The following RAPGEF5 variants were observed in gnomAD, a reference collection of about 807,000 sequenced individuals.
The protein encoded by RAPGEF5 is M-Ras-regulated GEF.
A neutral mutation model predicts 125.2 loss-of-function variants in RAPGEF5; 65 were observed. The ratio of observed to expected loss-of-function variants is 0.52; its 90% CI spans 0.43 to 0.64. The LOEUF is 0.64. Ranked by LOEUF, RAPGEF5 falls within the 30% of genes least tolerant of loss-of-function variation. The pLI, the probability that RAPGEF5 is intolerant of heterozygous loss-of-function variation, is 0.00. For synonymous variants in RAPGEF5, 391 were observed against 385.9 expected, an observed-to-expected ratio of 1.01 and a Z score of -0.16; for missense variants, 958 against 1,048.1, an observed-to-expected ratio of 0.91 and a Z score of 1.19.
At chr7:22,298,142 T>C (rs1204360274) in intron 5 of RAPGEF5, among the ~76,000 whole-genome samples, 1 of 151,862 alleles carries the variant, frequency 6.6e-6, no homozygotes, top group Non-Finnish European at 1.5e-5. Flanking sequence ...GTGAGGAAGA[T>C]TGTGTCTATG....
chr7:22,285,020 C>T (rs1397531447), intron 6 of RAPGEF5, among the ~76,000 whole-genome samples: 3 of 152,078 alleles, frequency 2.0e-5, no homozygotes, highest in Non-Finnish European at 4.4e-5. Flanking sequence ...CTTAGTTTAG[C>T]CTAGCCTGCC....
Position 22,266,918 on chromosome 7 carries a change from C to G in RAPGEF5, c.796+46G>C, listed in dbSNP as rs1226295228. ...ACTACCAGATGATATGTGAAATACCCCCAAAGAATTAGAATCTTCCTCCAG... is the reference window on the plus strand; with the variant it reads ...ACTACCAGATGATATGTGAAATACCGCCAAAGAATTAGAATCTTCCTCCAG... On this transcript the variant is annotated intron_variant, in intron 7 of 25. Transcript: ENST00000665637. The G allele has an allele frequency of 2.6e-6, 4 of 1,549,876 alleles. No homozygotes were observed. The African/African-American group carries it at 5.5e-5, about 21-fold the overall frequency.
intron 11 of RAPGEF5, among the ~76,000 whole-genome samples, chr7:22,183,268 C>CAAAAAAAA (rs757079018): frequency 9.7e-5 from 3 of 30,972 alleles, no homozygotes; most frequent in Admixed American, 4.7e-4. Flanking sequence ...GACTCCATCA[C>CAAAAAAAA]AAAAAAAAAA....
At chr7:22,147,078 G>T in intron 18 of RAPGEF5, 59 bp from the exon 19 acceptor site, 1 of 1,575,586 alleles carries the variant, frequency 6.3e-7, no homozygotes, top group Non-Finnish European at 8.6e-7. Context: ...CACTGCATTG[G>T]CTGGCTGTAG....
chr7:22,345,880 C>G (rs1583594812), intron 1 of RAPGEF5, among the ~76,000 whole-genome samples: 3 of 152,070 alleles, frequency 2.0e-5, no homozygotes, highest in African/African-American at 7.2e-5. Flanking sequence ...CCAAACAAAC[C>G]ATTTAATCTT....
intron 9 of RAPGEF5, among the ~76,000 whole-genome samples, chr7:22,197,831 C>G (rs1371235943): frequency 6.7e-6 from 1 of 148,878 alleles, no homozygotes; most frequent in Non-Finnish European, 1.5e-5. Context: ...TGAATGAATG[C>G]ATTTGCATTT....
intron 7 of RAPGEF5, among the ~76,000 whole-genome samples, chr7:22,264,897 C>T (rs183643102): frequency 3.0e-4 from 45 of 152,310 alleles, no homozygotes; most frequent in Admixed American, 1.6e-3. Context: ...ACGGACTGTA[C>T]ATTTGTCTCT....
chr7:22,330,962 T>C (rs1381325679), intron 1 of RAPGEF5, among the ~76,000 whole-genome samples: 1 of 152,146 alleles, frequency 6.6e-6, no homozygotes, highest in Admixed American at 6.5e-5. Flanking sequence ...TCCTCACATA[T>C]AGGACGCTAG....
chr7:22,262,977 C>A (rs533457097), intron 7 of RAPGEF5, among the ~76,000 whole-genome samples: 1 of 152,106 alleles, frequency 6.6e-6, no homozygotes, highest in East Asian at 1.9e-4. Context: ...AACAAACAAA[C>A]AAACAAAAAC....
chr7:22,310,120 G>T, intron 3 of RAPGEF5, 30 bp from the exon 4 acceptor site: 1 of 1,483,632 alleles, frequency 6.7e-7, no homozygotes. Context: ...TTCACAGTAA[G>T]ATATTGCTGA....
chr7:22,196,575 T>A (rs1301347864), intron 9 of RAPGEF5, among the ~76,000 whole-genome samples: 3 of 152,168 alleles, frequency 2.0e-5, no homozygotes, highest in Non-Finnish European at 4.4e-5. Context: ...GACAAGTTAA[T>A]AGGCTCCATG....
At chr7:22,354,694 T>C (rs1156977981) in intron 1 of RAPGEF5, among the ~76,000 whole-genome samples, 1 of 152,104 alleles carries the variant, frequency 6.6e-6, no homozygotes, top group East Asian at 1.9e-4. Flanking sequence ...AGTGGCCTTA[T>C]GAGAAGAGGG....
chr7:22,289,816 TA>T (rs1441350631), intron 6 of RAPGEF5, among the ~76,000 whole-genome samples: 2 of 152,194 alleles, frequency 1.3e-5, no homozygotes, highest in East Asian at 1.9e-4. Flanking sequence ...CATGCTGTTC[TA>T]ATGATAGTGA....
chr7:22,262,641 T>C (rs1782184919), intron 7 of RAPGEF5, among the ~76,000 whole-genome samples: 1 of 152,318 alleles, frequency 6.6e-6, no homozygotes, highest in South Asian at 2.1e-4. Flanking sequence ...ATGTTTGTAG[T>C]AGCTTCATTC....
Position 22,172,132 on chromosome 7 carries a change from G to T in RAPGEF5, c.1205-4984C>A, listed in dbSNP as rs115509697. On this transcript the variant is annotated intron_variant, in intron 11 of 25. Coordinates refer to ENST00000665637, the MANE Select transcript of RAPGEF5 (RefSeq NM_012294.5). ...TCTGCTACTATTTTAATTTTTGGGG[G>T]TTTTTTTTGAGATGGAGTCTCACTC... Among the ~76,000 whole-genome samples the T allele has an allele frequency of 9.7e-3, 1,467 of 151,380 alleles. 25 individuals are homozygous for T. The highest frequency in any genetic ancestry group is 0.034 in the African/African-American group (1,391 of 41,288).
chr7:22,166,949 T>C lies in RAPGEF5; in HGVS notation c.1283+121A>G, dbSNP rs1006445891. The C allele has an allele frequency of 5.2e-6, 4 of 763,082 alleles. No homozygotes were observed. In the Admixed American group the frequency reaches 1.0e-4, roughly 19 times the overall value. 47.3% of individuals were successfully genotyped at this position (763,082 alleles called of 1,614,324 possible). A position where few individuals can be genotyped will look rare whatever the true frequency, so the allele number is the denominator to read the frequency against. On this transcript the variant is annotated intron_variant, in intron 12 of 25. Coordinates refer to ENST00000665637, the MANE Select transcript of RAPGEF5 (RefSeq NM_012294.5). Reference sequence around the variant, plus strand: ...TCTACCTTGGATATCATTACATTAATATTTAACATATCCACATTCTACTAT... The same window carrying C: ...TCTACCTTGGATATCATTACATTAACATTTAACATATCCACATTCTACTAT...
At chr7:22,218,401 A>G (rs192732307) in intron 9 of RAPGEF5, among the ~76,000 whole-genome samples, 3 of 152,174 alleles carry the variant, frequency 2.0e-5, no homozygotes, top group African/African-American at 7.2e-5. Context: ...TGAAGTTGTT[A>G]CTGGTTTACT....
chr7:22,272,170 C>T (rs574855569), intron 6 of RAPGEF5, among the ~76,000 whole-genome samples: 46 of 151,826 alleles, frequency 3.0e-4, no homozygotes, highest in African/African-American at 1.1e-3. Context: ...GAGGAAACTC[C>T]ATCTCTACTA....
intron 11 of RAPGEF5, among the ~76,000 whole-genome samples, chr7:22,185,810 T>G (rs1562748267): frequency 6.6e-6 from 1 of 152,180 alleles, no homozygotes; most frequent in East Asian, 1.9e-4. Context: ...ATGAATTCAG[T>G]CTCTCACTGA....
Sources: gnomAD v4.1 joint callset for allele counts (sites outside exome capture counted in the v4.1 genomes callset) on GRCh38, gnomAD v4.1.1 for gene constraint, MANE v1.5 for transcripts, NCBI Gene and HGNC (gene_info 2026-07-23, HGNC 2026-07-21) for gene names.